RNF43: variants seen among roughly 807,000 people sequenced by gnomAD.
The protein encoded by RNF43 is ring finger protein 43.
Under a neutral mutation model 78.4 loss-of-function variants are expected in RNF43, and 37 were observed. The ratio of observed to expected loss-of-function variants is 0.47; its 90% CI spans 0.36 to 0.62. RNF43 has a LOEUF of 0.62. Ranked by LOEUF, RNF43 falls within the 20% of genes least tolerant of loss-of-function variation. RNF43 has a pLI of 0.00. For missense variants in RNF43, 774 were observed against 1,007.9 expected (o/e 0.77, Z 3.14); for synonymous variants, 347 against 395.0 (o/e 0.88, Z 1.44).
chr17:58,397,498 T>TA (rs1003066970), intron 2 of RNF43, among the ~76,000 whole-genome samples: 8 of 151,604 alleles, frequency 5.3e-5, no homozygotes, highest in African/African-American at 1.5e-4. Flanking sequence ...CTGTCTCTAC[T>TA]AAAAAAATAC....
At chr17:58,352,722 G>A (rs1972585510), downstream of RNF43, 2 of 208,880 alleles carry the variant, frequency 9.6e-6, no homozygotes, top group Non-Finnish European at 2.0e-5. Flanking sequence ...CAGGAATGCT[G>A]GCCTGGGAGC....
chr17:58,362,683 TC>T, intron 5 of RNF43, 35 bp from the exon 6 acceptor site: 1 of 1,525,504 alleles, frequency 6.6e-7, no homozygotes, highest in Non-Finnish European at 9.0e-7. Flanking sequence ...GGGTCATACT[TC>T]CGGGATGAGC....
intron 2 of RNF43, among the ~76,000 whole-genome samples, chr17:58,409,304 C>A (rs1973976270): frequency 6.6e-6 from 1 of 152,150 alleles, no homozygotes; most frequent in Non-Finnish European, 1.5e-5. Context: ...AAGAAAATTT[C>A]TACATAAAGT....
chr17:58,389,091 G>A (rs1314487656), intron 2 of RNF43, among the ~76,000 whole-genome samples: 1 of 152,132 alleles, frequency 6.6e-6, no homozygotes, highest in East Asian at 1.9e-4. Context: ...TTTAATAGCA[G>A]AGTAAACTAG....
At position 58,357,301 on chromosome 17, in the gene RNF43, CT is replaced by C. The variant is rs1470486956; in HGVS notation, c.2308+166del. The C allele has an allele frequency of 3.4e-6, 3 of 894,630 alleles. No individual in the cohort carries two copies. The allele number at this position is 894,630 out of a possible 1,614,324, so 55.4% of individuals were successfully genotyped here. On this transcript the variant is annotated intron_variant, in intron 9 of 9. Transcript: ENST00000407977. This position sits in a 1 kb window ranked among gnomAD's most constrained non-coding sequence, Gnocchi z 4.5. Reference sequence around the variant, plus strand: ...CTGGCAGAGGTGGGGTGTTCCTGCACTCTAGCCAGCATGATACGCTGTCCCG... The same window carrying C: ...CTGGCAGAGGTGGGGTGTTCCTGCACCTAGCCAGCATGATACGCTGTCCCG...
intron 2 of RNF43, among the ~76,000 whole-genome samples, chr17:58,405,700 CAGAA>C (rs199880674): frequency 0.2 from 22,053 of 109,904 alleles, 1,938 homozygotes; most frequent in East Asian, 0.24. Flanking sequence ...TCTCTAATGA[CAGAA>C]AGAAAGAAAG....
intron 2 of RNF43, among the ~76,000 whole-genome samples, chr17:58,391,026 A>G (rs1973545529): frequency 6.6e-6 from 1 of 152,170 alleles, no homozygotes; most frequent in African/African-American, 2.4e-5. Flanking sequence ...GTTAGTAAGC[A>G]CCTTGAGGGC....
At chr17:58,383,354 A>G (rs1973362478) in intron 2 of RNF43, among the ~76,000 whole-genome samples, 2 of 151,728 alleles carry the variant, frequency 1.3e-5, no homozygotes, top group Admixed American at 6.6e-5. Flanking sequence ...TGGTGGTGTA[A>G]TCATAGCTCA....
At chr17:58,385,734 G>T (rs1268257049) in intron 2 of RNF43, among the ~76,000 whole-genome samples, 1 of 152,164 alleles carries the variant, frequency 6.6e-6, no homozygotes, top group African/African-American at 2.4e-5. Context: ...AGATAAGTTG[G>T]TTTTAAATTT....
At position 58,415,361 on chromosome 17, in the gene RNF43, C is replaced by A. The variant is rs2143694545; in HGVS notation, c.217G>T (p.Ala73Ser). ...TTTCCTTCTGCTGGAGTTATTTCAG[C>A]AACACCAGCAAACACACCTTCCAAA... ...LTLEGVFAGVAEITPAEGKLM... is the reference protein window; with the variant it reads ...LTLEGVFAGVSEITPAEGKLM... The change falls in exon 2 of 10, where the codon GCT (alanine) becomes TCT (serine). Residue 73 changes from alanine (A) to serine (S), a missense_variant. Coordinates refer to ENST00000407977, the MANE Select transcript of RNF43 (RefSeq NM_017763.6). The A allele has an allele frequency of 6.2e-7, 1 of 1,614,184 alleles. No homozygotes were observed.
chr17:58,363,968 C>T (rs944670905), intron 3 of RNF43, among the ~76,000 whole-genome samples: 6 of 152,052 alleles, frequency 3.9e-5, no homozygotes, highest in Non-Finnish European at 5.9e-5. Flanking sequence ...GGTATGAGCA[C>T]GAAGAGTAGG....
At chr17:58,376,474 A>G (rs538523972) in intron 2 of RNF43, among the ~76,000 whole-genome samples, 30 of 152,326 alleles carry the variant, frequency 2.0e-4, no homozygotes, top group African/African-American at 5.8e-4. Flanking sequence ...CTCTTTTACA[A>G]TGAGAGCTTT....
At chr17:58,385,707 G>A (rs946420453) in intron 2 of RNF43, among the ~76,000 whole-genome samples, 1 of 152,170 alleles carries the variant, frequency 6.6e-6, no homozygotes, top group African/African-American at 2.4e-5. Flanking sequence ...TCGGTGCTCT[G>A]TACTGGTTTT....
At chr17:58,362,997 G>A (rs533808335) in intron 5 of RNF43, among the ~76,000 whole-genome samples, 32 of 152,366 alleles carry the variant, frequency 2.1e-4, no homozygotes, top group African/African-American at 7.2e-4. Flanking sequence ...CATGGATCAG[G>A]GGACCAGGGT....
At chr17:58,386,732 T>G (rs1041387081) in intron 2 of RNF43, among the ~76,000 whole-genome samples, 2 of 152,254 alleles carry the variant, frequency 1.3e-5, no homozygotes, top group African/African-American at 2.4e-5. Flanking sequence ...ACCTCTTCCA[T>G]GAAGAATCTC....
At position 58,357,892 on chromosome 17, in the gene RNF43, G is replaced by A. The variant is rs146366849; in HGVS notation, c.1884C>T (p.Asp628=). 209 of 1,613,822 alleles carry A rather than the reference G, an allele frequency of 1.3e-4. No homozygotes were observed. The African/African-American group carries it at 1.6e-3, about 12-fold the overall frequency. The change falls in exon 9 of 10, where the codon GAC becomes GAT. Residue 628 remains aspartate (D), a synonymous_variant. Coordinates refer to ENST00000407977, the MANE Select transcript of RNF43 (RefSeq NM_017763.6). The surrounding 1 kb of genome is among the most constrained non-coding windows in gnomAD (Gnocchi z 4.5). ...TGGTACTGGGGCAGATGCTGGAGGCGTCAACTGGGCCAGGGGCTGGCTCAG... is the reference window on the plus strand; with the variant it reads ...TGGTACTGGGGCAGATGCTGGAGGCATCAACTGGGCCAGGGGCTGGCTCAG... ...ALPEPAPGPV[D]ASSICPSTSS... is the part of the protein sequence containing the mutation.
At chr17:58,396,815 A>AT (rs1309681114) in intron 2 of RNF43, among the ~76,000 whole-genome samples, 1 of 152,156 alleles carries the variant, frequency 6.6e-6, no homozygotes, top group Admixed American at 6.5e-5. Context: ...TAACCTAAAC[A>AT]TTTTTTATCC....
intron 3 of RNF43, among the ~76,000 whole-genome samples, chr17:58,365,871 C>T (rs1030159212): frequency 6.6e-6 from 1 of 152,212 alleles, no homozygotes; most frequent in Non-Finnish European, 1.5e-5. Context: ...CTAGGGGCAG[C>T]AGGCAAGGCT....
At chr17:58,412,817 A>G (rs181919381) in intron 2 of RNF43, among the ~76,000 whole-genome samples, 161 of 152,118 alleles carry the variant, frequency 1.1e-3, no homozygotes, top group African/African-American at 1.6e-3. Flanking sequence ...AGAAATAACA[A>G]CATGGTTTTT....
Sources: allele counts gnomAD v4.1 joint callset (sites outside exome capture counted in the v4.1 genomes callset), GRCh38; gene constraint gnomAD v4.1.1; non-coding constraint Gnocchi (gnomAD v3.1); transcripts MANE v1.5; gene names NCBI Gene and HGNC (gene_info 2026-07-23, HGNC 2026-07-21).